Variants in HSD17B6 observed in about 807,000 individuals in gnomAD.
HSD17B6 encodes hydroxysteroid 17-beta dehydrogenase 6.
A neutral mutation model predicts 26.4 loss-of-function variants in HSD17B6; 16 were observed. The observed-to-expected ratio is 0.61, with a 90% confidence interval of 0.41 to 0.92. HSD17B6 has a LOEUF of 0.92. Among genes scored for constraint, HSD17B6 ranks in the 40% least tolerant of loss-of-function variants. The pLI, the probability that HSD17B6 is intolerant of heterozygous loss-of-function variation, is 0.00. For synonymous variants in HSD17B6, 139 were observed against 153.0 expected (o/e 0.91, Z 0.68); for missense variants, 357 against 386.1 (o/e 0.92, Z 0.63).
chr12:56,777,662 C>T (rs1954623157), intron 2 of HSD17B6, among the ~76,000 whole-genome samples: 2 of 151,950 alleles, frequency 1.3e-5, no homozygotes, highest in African/African-American at 2.4e-5. Flanking sequence ...TGCACCTGGC[C>T]CAAAGTGTAA....
chr12:56,775,922 T>C (rs973471301), intron 2 of HSD17B6, among the ~76,000 whole-genome samples: 5 of 152,164 alleles, frequency 3.3e-5, no homozygotes, highest in African/African-American at 7.2e-5. Context: ...AGATGTCATA[T>C]AGTTGGAATC....
Position 56,784,945 on chromosome 12 carries a change from G to A in HSD17B6, c.665G>A (p.Arg222Gln), listed in dbSNP as rs760949494. Reference protein sequence around the residue: ...GMTNMTQSLERMKQSWKEAPK... With the variant: ...GMTNMTQSLEQMKQSWKEAPK... ...ACAAACATGACACAGTCCTTAGAGC[G>A]AATGAAGCAAAGTTGGAAAGAAGCC... The change falls in exon 4 of 5, where the codon CGA becomes CAA. Residue 222 changes from arginine to glutamine, a missense_variant. Coordinates refer to ENST00000322165, the MANE Select transcript of HSD17B6 (RefSeq NM_003725.4). The A allele has an allele frequency of 5.6e-5, 90 of 1,613,992 alleles. No individual in the cohort carries two copies. Among genetic ancestry groups the A allele is most frequent in the Middle Eastern group, 1.6e-4 (1 of 6,062 alleles).
At chr12:56,774,804 C>G (rs1324222461) in intron 2 of HSD17B6, among the ~76,000 whole-genome samples, 1 of 152,206 alleles carries the variant, frequency 6.6e-6, no homozygotes, top group African/African-American at 2.4e-5. Flanking sequence ...ACTGACCTGA[C>G]AGGAGGCGGA....
chr12:56,787,403 G>A lies in HSD17B6; in HGVS notation c.*61G>A, dbSNP rs1029293237. 2 of 1,111,892 alleles carry A rather than the reference G, an allele frequency of 1.8e-6. No homozygotes were observed. Among genetic ancestry groups the A allele is most frequent in the African/African-American group, 3.1e-5 (2 of 64,122 alleles). 68.9% of individuals were successfully genotyped at this position (1,111,892 alleles called of 1,614,324 possible). On this transcript the variant is annotated 3_prime_UTR_variant, in exon 5 of 5. Coordinates refer to ENST00000322165, the MANE Select transcript of HSD17B6 (RefSeq NM_003725.4). ...AAAATCTGAAATTGTTAGTGTCTCA[G>A]TAATCCTGATTTAGAACCCAGGCTT...
chr12:56,768,783 C>T (rs1279745122), intron 1 of HSD17B6, among the ~76,000 whole-genome samples: 1 of 151,480 alleles, frequency 6.6e-6, no homozygotes, highest in Non-Finnish European at 1.5e-5. Context: ...GGAGGGGGCG[C>T]AGCTGAGATA....
intron 2 of HSD17B6, among the ~76,000 whole-genome samples, chr12:56,776,635 T>C (rs1954600985): frequency 6.6e-6 from 1 of 152,070 alleles, no homozygotes; most frequent in Non-Finnish European, 1.5e-5. Context: ...TCATAGCTCA[T>C]TTCTGTTTTT....
At position 56,787,283 on chromosome 12, in the gene HSD17B6, A is replaced by G. The variant is rs762742490; in HGVS notation, c.895A>G (p.Thr299Ala). ...CTTCATCCCTCTATCTTATTTACCT[A>G]CATCACTGGCAGACTACATTTTGAC... ...FFFIPLSYLP[T>A]SLADYILTRS... Residue 299 changes from threonine (T) to alanine (A), a missense_variant, in exon 5 of 5, where the codon ACA (threonine) becomes GCA (alanine). Physicochemically the swap from Thr to Ala is moderately conservative, Grantham distance 58. Transcript: ENST00000322165. 1 of 1,614,146 alleles carries G rather than the reference A, an allele frequency of 6.2e-7. No homozygotes were observed. Among genetic ancestry groups the G allele is most frequent in the South Asian group, 1.1e-5 (1 of 91,070 alleles).
intron 3 of HSD17B6, among the ~76,000 whole-genome samples, 199 bp downstream of exon 3, chr12:56,782,431 CG>C (rs977527053): frequency 1.2e-4 from 19 of 152,102 alleles, no homozygotes; most frequent in Non-Finnish European, 1.5e-5. Context: ...AGAATTTGGC[CG>C]AACTGTGTTT....
chr12:56,771,945 C>T (rs1954482410), intron 1 of HSD17B6, among the ~76,000 whole-genome samples: 1 of 152,028 alleles, frequency 6.6e-6, no homozygotes, highest in South Asian at 2.1e-4. Context: ...TTGGTAGTTC[C>T]TCTCTTGCTT....
intron 4 of HSD17B6, 28 bp from the exon 5 acceptor site, chr12:56,787,097 T>C (rs1385696130): frequency 1.6e-5 from 24 of 1,515,736 alleles, no homozygotes; most frequent in Non-Finnish European, 2.2e-5. Flanking sequence ...ATAAGATTGT[T>C]GACCACCATT....
Position 56,784,860 on chromosome 12 carries a change from A to G in HSD17B6, c.580A>G (p.Ile194Val), listed in dbSNP as rs1365033650. 1 of 1,613,252 alleles carries G rather than the reference A, an allele frequency of 6.2e-7. No individual in the cohort carries two copies. Among genetic ancestry groups the G allele is most frequent in the East Asian group, 2.2e-5 (1 of 44,870 alleles). The change falls in exon 4 of 5, where the codon ATT (isoleucine) becomes GTT (valine). Residue 194 changes from isoleucine (I) to valine (V), a missense_variant. By Grantham distance (29) the Ile-to-Val change is conservative. Transcript: ENST00000322165. ...EAFSDILRRE[I>V]QHFGVKISIV... ...TGTGGGGTTTTATTTCAGGCGTGAGATTCAACATTTTGGGGTGAAAATCAG... is the reference window on the plus strand; with the variant it reads ...TGTGGGGTTTTATTTCAGGCGTGAGGTTCAACATTTTGGGGTGAAAATCAG...
chr12:56,782,234 T>C lies in HSD17B6; in HGVS notation c.572+2T>C. ...GGAAGCCTTTTCAGATATTCTGAGG[T>C]AACTTAAGTTAAAACAAAAACAGCT... On this transcript the variant is annotated splice_donor_variant, in intron 3 of 4. Transcript: ENST00000322165. LOFTEE classifies it high-confidence loss of function. 6.2e-7 allele frequency: 1 copy of C among 1,612,186 alleles called. No homozygotes were observed. Among genetic ancestry groups the C allele is most frequent in the Non-Finnish European group, 8.5e-7 (1 of 1,179,220 alleles).
rs758759479 is a variant in HSD17B6, at chr12:56,774,065, C to G, written c.213C>G (p.Gly71=). ...LTEKGAEQLR[G]QTSDRLETVT... ...AGAAGGGGGCCGAGCAGCTGAGGGG[C>G]CAGACGTCTGACAGGCTGGAGACGG... Residue 71 remains glycine (G), a synonymous_variant, in exon 2 of 5, where the codon GGC becomes GGG. Transcript: ENST00000322165. 4.3e-6 allele frequency: 7 copies of G among 1,614,014 alleles called. No individual in the cohort carries two copies. Among genetic ancestry groups the G allele is most frequent in the Non-Finnish European group, 5.9e-6 (7 of 1,179,924 alleles).
rs1954527566 is a variant in HSD17B6, at chr12:56,773,793, A to G, written c.-19-41A>G. Reference sequence around the variant, plus strand: ...AAATACTGAATAGATATATTGGTTAAATAATAAGGAAGGAATAAAATGTTT... The same window carrying G: ...AAATACTGAATAGATATATTGGTTAGATAATAAGGAAGGAATAAAATGTTT... On this transcript the variant is annotated intron_variant, in intron 1 of 4. Transcript: ENST00000322165. 3 of 1,492,576 alleles carry G rather than the reference A, an allele frequency of 2.0e-6. No individual in the cohort carries two copies. The South Asian group carries it at 4.1e-5, about 20-fold the overall frequency. The allele number at this position is 1,492,576 out of a possible 1,614,324, so 92.5% of individuals were successfully genotyped here. A position where few individuals can be genotyped will look rare whatever the true frequency, so the allele number is the denominator to read the frequency against.
chr12:56,774,509 G>T (rs1954549863), intron 2 of HSD17B6, among the ~76,000 whole-genome samples: 2 of 152,202 alleles, frequency 1.3e-5, no homozygotes, highest in Non-Finnish European at 2.9e-5. Flanking sequence ...CATGGACAGG[G>T]AGTGGGGATG....
At chr12:56,764,068 C>CAAAAAAAAAAAAAAAAAAAAGAA (rs1954266503) in intron 1 of HSD17B6, among the ~76,000 whole-genome samples, 1 of 74,342 alleles carries the variant, frequency 1.3e-5, no homozygotes, top group Non-Finnish European at 2.3e-5. Context: ...GACCGTGTCT[C>CAAAAAAAAAAAAAAAAAAAAGAA]AAAAAAAAAA....
At chr12:56,784,372 T>G (rs1237665456) in intron 3 of HSD17B6, among the ~76,000 whole-genome samples, 1 of 152,160 alleles carries the variant, frequency 6.6e-6, no homozygotes, top group Non-Finnish European at 1.5e-5. Flanking sequence ...GCCACTGCAC[T>G]CCAGCCTGGG....
chr12:56,764,068 C>CAAAAAAAAAAAAAAAAAAAAAAAAAAAAA (rs71081400), intron 1 of HSD17B6, among the ~76,000 whole-genome samples: 1 of 74,328 alleles, frequency 1.3e-5, no homozygotes, highest in African/African-American at 6.2e-5. Flanking sequence ...GACCGTGTCT[C>CAAAAAAAAAAAAAAAAAAAAAAAAAAAAA]AAAAAAAAAA....
chr12:56,782,045 G>T lies in HSD17B6; in HGVS notation c.385G>T (p.Asp129Tyr). The T allele has an allele frequency of 6.2e-7, 1 of 1,614,162 alleles. No individual in the cohort carries two copies. The highest frequency in any genetic ancestry group is 8.5e-7 in the Non-Finnish European group (1 of 1,180,032). ...CTTATGTGAGTGGCTGAACACTGAG[G>T]ACTCTATGAATATGCTCAAAGTGAA... is the stretch of plus-strand genomic sequence containing the variant. The part of the protein sequence containing the change: ...ITLCEWLNTE[D>Y]SMNMLKVNLI... The change falls in exon 3 of 5, where the codon GAC becomes TAC. Residue 129 changes from aspartate to tyrosine, a missense_variant. Physicochemically the swap from Asp to Tyr is radical, Grantham distance 160 (BLOSUM62 -3). Transcript: ENST00000322165.
Sources: allele counts gnomAD v4.1 joint callset (sites outside exome capture counted in the v4.1 genomes callset), GRCh38; gene constraint gnomAD v4.1.1; transcripts MANE v1.5; gene names NCBI Gene and HGNC (gene_info 2026-07-23, HGNC 2026-07-21).